Variants in PLPP4 observed in about 807,000 individuals in gnomAD.
PLPP4 encodes the protein diacylglycerol pyrophosphate like 2.
PLPP4 carries 20 observed loss-of-function variants against 32.2 expected under a neutral mutation model. That is an observed-to-expected ratio of 0.62 (90% confidence interval 0.44 to 0.90). PLPP4 has a LOEUF of 0.90. PLPP4 is among the 40% of genes least tolerant of loss of function. The pLI is 0.00. For missense variants in PLPP4, 257 were observed against 353.1 expected, an observed-to-expected ratio of 0.73 and a Z score of 2.18; for synonymous variants, 127 against 133.0, an observed-to-expected ratio of 0.95 and a Z score of 0.31.
intron 1 of PLPP4, among the ~76,000 whole-genome samples, chr10:120,470,418 T>C (rs1366115182): frequency 6.6e-6 from 1 of 152,230 alleles, no homozygotes; most frequent in African/African-American, 2.4e-5. Context: ...TTTCTATTAT[T>C]GTATACAAGT....
intron 1 of PLPP4, among the ~76,000 whole-genome samples, chr10:120,477,920 A>T (rs1192921619): frequency 1.3e-5 from 2 of 152,184 alleles, no homozygotes; most frequent in African/African-American, 4.8e-5. Context: ...TCTGGCCGAC[A>T]TGCAGAGAAT....
rs532871308 is a variant in PLPP4, at chr10:120,586,188, G to A, written c.617-3115G>A. Among the ~76,000 whole-genome samples the A allele has an allele frequency of 6.7e-5, 10 of 148,632 alleles. No homozygotes were observed. The East Asian group carries it at 1.4e-3, about 20-fold the overall frequency. Reference sequence around the variant, plus strand: ...CTTGCTCTGTTGCCTGGGCTGGAGCGCAGTGGTACGATCTTGGCTCACTGC... The same window carrying A: ...CTTGCTCTGTTGCCTGGGCTGGAGCACAGTGGTACGATCTTGGCTCACTGC... On this transcript the variant is annotated intron_variant, in intron 6 of 6. Coordinates refer to ENST00000398250, the MANE Select transcript of PLPP4 (RefSeq NM_001030059.3).
intron 1 of PLPP4, among the ~76,000 whole-genome samples, chr10:120,475,482 G>A (rs1357549286): frequency 6.6e-6 from 1 of 152,168 alleles, no homozygotes; most frequent in Non-Finnish European, 1.5e-5. Context: ...CAGGCTTTGT[G>A]GGGCAGCTAC....
At chr10:120,580,854 C>A in intron 6 of PLPP4, 4 of 1,283,668 alleles carry the variant, frequency 3.1e-6, no homozygotes, top group Non-Finnish European at 4.1e-6. Context: ...CCTCTAATAT[C>A]CTCAGCCCAA....
At chr10:120,577,997 G>A (rs1281162545) in intron 6 of PLPP4, among the ~76,000 whole-genome samples, 2 of 152,190 alleles carry the variant, frequency 1.3e-5, no homozygotes, top group East Asian at 1.9e-4. Context: ...CATCCAATGG[G>A]TGGAGGGTTA....
chr10:120,516,513 CAACAAAAGT>C (rs373165006), intron 3 of PLPP4, among the ~76,000 whole-genome samples: 2,318 of 151,844 alleles, frequency 0.015, 57 homozygotes, highest in African/African-American at 0.053. Flanking sequence ...GAATTTCCTA[CAACAAAAGT>C]AACAACAAAA....
chr10:120,466,997 C>T (rs900187971), intron 1 of PLPP4, among the ~76,000 whole-genome samples: 2 of 151,582 alleles, frequency 1.3e-5, no homozygotes, highest in Non-Finnish European at 2.9e-5. Context: ...AGAGCTGAGC[C>T]TTCAACTAGG....
At chr10:120,516,632 G>T (rs994551589) in intron 3 of PLPP4, among the ~76,000 whole-genome samples, 1 of 152,310 alleles carries the variant, frequency 6.6e-6, no homozygotes, top group Non-Finnish European at 1.5e-5. Flanking sequence ...TTTTTTATCA[G>T]ACACAGTATG....
At chr10:120,581,019 C>T in intron 6 of PLPP4, 1 of 1,289,280 alleles carries the variant, frequency 7.8e-7, no homozygotes, top group Non-Finnish European at 1.0e-6. Context: ...TGTGTTGGTG[C>T]CTAGGAGAGC....
chr10:120,579,520 T>C (rs746245959), intron 6 of PLPP4, among the ~76,000 whole-genome samples: 1 of 152,188 alleles, frequency 6.6e-6, no homozygotes, highest in Non-Finnish European at 1.5e-5. Context: ...TTACTGACCC[T>C]GCAAATGCAG....
rs549024119 is a variant in PLPP4 at position 120,475,976 on chromosome 10, C to T, written c.56+18615C>T. Reference sequence around the variant, plus strand: ...ACTTCCATTCCTCCACTCCTGCAGGCTCGGACATGCATTGATTGGGTCCTA... The same window carrying T: ...ACTTCCATTCCTCCACTCCTGCAGGTTCGGACATGCATTGATTGGGTCCTA... On this transcript the variant is annotated intron_variant, in intron 1 of 6. Transcript: ENST00000398250. Among the ~76,000 whole-genome samples, 3 of 152,350 alleles carry T rather than the reference C, an allele frequency of 2.0e-5. No homozygotes were observed. In the South Asian group the frequency reaches 6.2e-4, roughly 32 times the overall value.
intron 5 of PLPP4, among the ~76,000 whole-genome samples, chr10:120,571,402 G>A (rs188971698): frequency 2.7e-4 from 41 of 152,104 alleles, no homozygotes; most frequent in African/African-American, 9.9e-4. Flanking sequence ...GATGGAGGTA[G>A]GGTGGGGGAC....
At chr10:120,476,224 G>T (rs1000034138) in intron 1 of PLPP4, among the ~76,000 whole-genome samples, 6 of 152,184 alleles carry the variant, frequency 3.9e-5, no homozygotes, top group Non-Finnish European at 8.8e-5. Flanking sequence ...CCCTGTGCAG[G>T]CCTTGCCTCC....
chr10:120,579,042 T>G (rs927237797), intron 6 of PLPP4, among the ~76,000 whole-genome samples: 1 of 152,228 alleles, frequency 6.6e-6, no homozygotes, highest in African/African-American at 2.4e-5. Flanking sequence ...CACGCTCTTA[T>G]GTGATTACGA....
At chr10:120,485,340 C>T (rs1844396417) in intron 1 of PLPP4, among the ~76,000 whole-genome samples, 1 of 152,234 alleles carries the variant, frequency 6.6e-6, no homozygotes, top group Admixed American at 6.5e-5. Flanking sequence ...CTCTTTTCAC[C>T]TGCTCAGGAG....
At chr10:120,481,184 C>T (rs1440154923) in intron 1 of PLPP4, among the ~76,000 whole-genome samples, 1 of 152,170 alleles carries the variant, frequency 6.6e-6, no homozygotes, top group African/African-American at 2.4e-5. Context: ...GATCTTGTAC[C>T]CCTGTAGGCC....
intron 1 of PLPP4, among the ~76,000 whole-genome samples, chr10:120,502,626 A>G (rs936941635): frequency 2.6e-5 from 4 of 152,084 alleles, no homozygotes; most frequent in Admixed American, 1.3e-4. Context: ...ACACCCTCAC[A>G]GGGGAGCTGA....
chr10:120,527,585 T>C (rs1846462866), intron 5 of PLPP4, among the ~76,000 whole-genome samples: 1 of 152,202 alleles, frequency 6.6e-6, no homozygotes, highest in Non-Finnish European at 1.5e-5. Context: ...ACACATAAGG[T>C]TACCGATCAC....
At chr10:120,520,949 A>C (rs775120287) in intron 4 of PLPP4, 22 bp from the exon 5 acceptor site, 7 of 1,613,582 alleles carry the variant, frequency 4.3e-6, no homozygotes, top group Non-Finnish European at 5.9e-6. Context: ...TATATTGAAA[A>C]TGTCCATGGT....
Sources: allele counts gnomAD v4.1 joint callset (sites outside exome capture counted in the v4.1 genomes callset), GRCh38; gene constraint gnomAD v4.1.1; transcripts MANE v1.5; gene names NCBI Gene and HGNC (gene_info 2026-07-23, HGNC 2026-07-21).